MIGA1: variants seen among roughly 807,000 people sequenced by gnomAD.
MIGA1 encodes mitoguardin 1.
A neutral mutation model predicts 82.0 loss-of-function variants in MIGA1; 58 were observed. The ratio of observed to expected loss-of-function variants is 0.71; its 90% confidence interval spans 0.57 to 0.88. The LOEUF is 0.88. Among genes scored for constraint, MIGA1 ranks in the 40% least tolerant of loss-of-function variants. MIGA1 has a pLI of 0.00. For synonymous variants in MIGA1, 249 were observed against 253.6 expected (o/e 0.98, Z 0.17); for missense variants, 751 against 749.1 (o/e 1.00, Z -0.03).
chr1:77,858,660 C>T (rs997800946), intron 8 of MIGA1, among the ~76,000 whole-genome samples: 10 of 152,152 alleles, frequency 6.6e-5, no homozygotes, highest in African/African-American at 2.2e-4. Flanking sequence ...GCTTTGCCAG[C>T]TAGGCTGGAG....
In MIGA1 at chr1:77,874,908, A is replaced by G; in HGVS notation, c.1743A>G (p.Thr581=). ...TTGAGAAGGTGCGCTATTCAAGTAC[A>G]GAGACTTTAGCTGAAGACCTCATGC... The change falls in exon 16 of 16, where the codon ACA becomes ACG. Residue 581 remains threonine, a synonymous_variant. Transcript: ENST00000370791. The G allele has an allele frequency of 6.2e-7, 1 of 1,614,186 alleles. No individual in the cohort carries two copies. Among genetic ancestry groups the G allele is most frequent in the South Asian group, 1.1e-5 (1 of 91,088 alleles).
intron 7 of MIGA1, among the ~76,000 whole-genome samples, chr1:77,827,807 TGAA>T (rs1684090503): frequency 6.6e-6 from 1 of 152,142 alleles, no homozygotes; most frequent in African/African-American, 2.4e-5. Context: ...GAGGAGCAAT[TGAA>T]GAGGTGAAGG....
At chr1:77,808,138 T>C (rs2101776320) in intron 5 of MIGA1, among the ~76,000 whole-genome samples, 1 of 151,678 alleles carries the variant, frequency 6.6e-6, no homozygotes, top group East Asian at 1.9e-4. Context: ...CTCTTTTTTT[T>C]TTTTTTTTTT....
chr1:77,847,559 G>C, intron 8 of MIGA1: 1 of 1,498,284 alleles, frequency 6.7e-7, no homozygotes, highest in Non-Finnish European at 9.3e-7. Context: ...ATGATAAAGA[G>C]GCATTTGTGA....
At chr1:77,857,778 T>C (rs1685320561) in intron 8 of MIGA1, among the ~76,000 whole-genome samples, 1 of 151,166 alleles carries the variant, frequency 6.6e-6, no homozygotes, top group Non-Finnish European at 1.5e-5. Flanking sequence ...TTGCAATTGT[T>C]TTTTAATGAA....
At chr1:77,804,405 T>C (rs936520719) in intron 4 of MIGA1, among the ~76,000 whole-genome samples, 5 of 152,146 alleles carry the variant, frequency 3.3e-5, no homozygotes, top group Non-Finnish European at 7.4e-5. Context: ...TGCTATTAAA[T>C]ACAGAACAGG....
intron 2 of MIGA1, among the ~76,000 whole-genome samples, chr1:77,784,767 G>A (rs899071397): frequency 6.6e-6 from 1 of 152,146 alleles, no homozygotes; most frequent in African/African-American, 2.4e-5. Context: ...AAAGAAAGAC[G>A]TTTATTGGAC....
chr1:77,812,484 G>A (rs1049525991), intron 5 of MIGA1, among the ~76,000 whole-genome samples: 5 of 151,944 alleles, frequency 3.3e-5, no homozygotes, highest in African/African-American at 7.2e-5. Context: ...AAATAAATAC[G>A]AAATTGTATT....
At chr1:77,788,248 C>T (rs982937053) in intron 2 of MIGA1, among the ~76,000 whole-genome samples, 1 of 152,202 alleles carries the variant, frequency 6.6e-6, no homozygotes, top group African/African-American at 2.4e-5. Context: ...AGTGATCCGC[C>T]TGCCTTGGCC....
rs945915890 is a variant in MIGA1, at chr1:77,859,509, A to G, written c.1188+123A>G. 4.5e-6 allele frequency: 3 copies of G among 667,240 alleles called. No individual in the cohort carries two copies. In the Admixed American group the frequency reaches 7.4e-5, roughly 16 times the overall value. The allele number at this position is 667,240 out of a possible 1,614,324, so 41.3% of individuals were successfully genotyped here. On this transcript the variant is annotated intron_variant, in intron 10 of 15. Coordinates refer to ENST00000370791, the MANE Select transcript of MIGA1 (RefSeq NM_198549.4). ...ATTATCCCTATTCCTAATGACAAATATAAAGTCCACTAAACTTATTTTTCC... is the reference window on the plus strand; with the variant it reads ...ATTATCCCTATTCCTAATGACAAATGTAAAGTCCACTAAACTTATTTTTCC...
chr1:77,827,942 C>T (rs1005212326), intron 7 of MIGA1, among the ~76,000 whole-genome samples: 1 of 152,004 alleles, frequency 6.6e-6, no homozygotes, highest in African/African-American at 2.4e-5. Flanking sequence ...TCTGTGGTCC[C>T]AGCTACTTGG....
At chr1:77,782,038 G>A (rs1681942852) in intron 1 of MIGA1, among the ~76,000 whole-genome samples, 1 of 151,440 alleles carries the variant, frequency 6.6e-6, no homozygotes, top group African/African-American at 2.4e-5. Context: ...TTCCCAGGCT[G>A]GTCTCGAACT....
In MIGA1 at chr1:77,875,527, T is replaced by C. The variant is rs962261121; in HGVS notation, c.*463T>C. 1 of 158,176 alleles carries C rather than the reference T, an allele frequency of 6.3e-6. No homozygotes were observed. The highest frequency in any genetic ancestry group is 1.4e-5 in the Non-Finnish European group (1 of 71,648). The allele number at this position is 158,176 out of a possible 1,614,324, so 9.8% of individuals were successfully genotyped here. A position where few individuals can be genotyped will look rare whatever the true frequency, so the allele number is the denominator to read the frequency against. On this transcript the variant is annotated 3_prime_UTR_variant, in exon 16 of 16. Coordinates refer to ENST00000370791, the MANE Select transcript of MIGA1 (RefSeq NM_198549.4). ...AAACATATTTTTAATTATAAAGTTA[T>C]TCATTTGTTTAATCAAGTTTAGGCA...
chr1:77,845,209 T>A (rs966463530), intron 8 of MIGA1, among the ~76,000 whole-genome samples: 3 of 152,166 alleles, frequency 2.0e-5, no homozygotes, highest in East Asian at 1.9e-4. Context: ...ATTAAAAAAA[T>A]TTTTCCACTT....
chr1:77,869,869 T>C (rs1428844668), intron 14 of MIGA1, among the ~76,000 whole-genome samples: 218 of 53,916 alleles, frequency 4.0e-3, no homozygotes, highest in Middle Eastern at 0.018. Context: ...GGGGGGCTGA[T>C]CCCCCCACCT....
chr1:77,816,484 C>T (rs913116165), intron 7 of MIGA1, among the ~76,000 whole-genome samples: 4 of 152,050 alleles, frequency 2.6e-5, no homozygotes, highest in Non-Finnish European at 5.9e-5. Flanking sequence ...ATATTTATAT[C>T]TATGCATTTT....
In MIGA1 at chr1:77,804,969, G is replaced by A. The variant is rs1384658146; in HGVS notation, c.510+1563G>A. On this transcript the variant is annotated intron_variant, in intron 4 of 15. Coordinates refer to ENST00000370791, the MANE Select transcript of MIGA1 (RefSeq NM_198549.4). ...CATAGTTTATAGAACACCATATTCT[G>A]TTCTGTACCTTGCTTCCATATTTCT... Among the ~76,000 whole-genome samples, 6 of 145,394 alleles carry A rather than the reference G, an allele frequency of 4.1e-5. No individual in the cohort carries two copies. In the East Asian group the frequency reaches 1.2e-3, roughly 30 times the overall value.
At chr1:77,781,572 T>C (rs377044313) in intron 1 of MIGA1, among the ~76,000 whole-genome samples, 1 of 152,212 alleles carries the variant, frequency 6.6e-6, no homozygotes, top group South Asian at 2.1e-4. Flanking sequence ...TGCCCAGCTT[T>C]TCTATATCCC....
At chr1:77,810,768 C>T (rs1336167590) in intron 5 of MIGA1, 2 of 1,342,686 alleles carry the variant, frequency 1.5e-6, no homozygotes, top group African/African-American at 2.9e-5. Flanking sequence ...GGCTTGCTTC[C>T]TGCCTGTTGA....
Sources: allele counts gnomAD v4.1 joint callset (sites outside exome capture counted in the v4.1 genomes callset), GRCh38; gene constraint gnomAD v4.1.1; transcripts MANE v1.5; gene names NCBI Gene and HGNC (gene_info 2026-07-23, HGNC 2026-07-21).